ZNF346: variants seen among roughly 807,000 people sequenced by gnomAD.
ZNF346 encodes zinc finger protein 346.
ZNF346 carries 23 observed loss-of-function variants against 33.7 expected under a neutral mutation model. The ratio of observed to expected loss-of-function variants is 0.68; its 90% CI spans 0.49 to 0.97. The LOEUF (loss-of-function observed/expected upper bound fraction) is 0.97. ZNF346 is among the 50% of genes least tolerant of loss of function. ZNF346 has a pLI of 0.00. For missense variants in ZNF346, 340 were observed against 371.1 expected, an observed-to-expected ratio of 0.92 and a Z score of 0.69; for synonymous variants, 134 against 142.4, an observed-to-expected ratio of 0.94 and a Z score of 0.42.
chr5:177,031,998 C>CTTTT (rs34021834), intron 1 of ZNF346, among the ~76,000 whole-genome samples: 3 of 67,838 alleles, frequency 4.4e-5, no homozygotes, highest in Non-Finnish European at 5.9e-5. Flanking sequence ...TTTCTTTTTT[C>CTTTT]TTTTTTTTTT....
downstream of ZNF346, among the ~76,000 whole-genome samples, chr5:177,067,989 G>A (rs1279028189): frequency 3.9e-5 from 6 of 152,086 alleles, no homozygotes; most frequent in African/African-American, 1.4e-4. Flanking sequence ...GAAGGAACAA[G>A]GCTGAAAAAG....
chr5:177,054,858 T>C (rs1379522681), intron 5 of ZNF346, among the ~76,000 whole-genome samples: 1 of 152,106 alleles, frequency 6.6e-6, no homozygotes, highest in East Asian at 1.9e-4. Flanking sequence ...TCAAGTGAAC[T>C]TAACTAATTC....
Position 177,064,623 on chromosome 5 carries a change from T to C in ZNF346, c.*24T>C, listed in dbSNP as rs1444908624. On this transcript the variant is annotated 3_prime_UTR_variant, in exon 7 of 7. Coordinates refer to ENST00000358149, the MANE Select transcript of ZNF346 (RefSeq NM_012279.4). Reference sequence around the variant, plus strand: ...AGAGGTGATTCTGCCCAGCATCCCATATTGGGCCAGCCATGAGCCAGCTTC... The same window carrying C: ...AGAGGTGATTCTGCCCAGCATCCCACATTGGGCCAGCCATGAGCCAGCTTC... The C allele has an allele frequency of 6.3e-7, 1 of 1,595,232 alleles. No homozygotes were observed. Among genetic ancestry groups the C allele is most frequent in the East Asian group, 2.2e-5 (1 of 44,804 alleles).
intron 5 of ZNF346, among the ~76,000 whole-genome samples, chr5:177,054,559 C>T (rs540657656): frequency 8.6e-5 from 13 of 151,766 alleles, no homozygotes; most frequent in East Asian, 5.8e-4. Context: ...CCACCATGCC[C>T]GGCTAATTTT....
intron 5 of ZNF346, among the ~76,000 whole-genome samples, chr5:177,060,764 C>T (rs923724740): frequency 2.6e-5 from 4 of 151,904 alleles, no homozygotes; most frequent in Admixed American, 6.6e-5. Context: ...GCAGAGATCA[C>T]GCCATTGCAC....
intron 5 of ZNF346, among the ~76,000 whole-genome samples, chr5:177,055,267 C>G (rs1249179146): frequency 1.3e-5 from 2 of 151,998 alleles, no homozygotes; most frequent in East Asian, 3.9e-4. Flanking sequence ...CTACTGACCT[C>G]AGGTGATCCA....
At chr5:177,024,372 A>G (rs1403951549) in intron 1 of ZNF346, among the ~76,000 whole-genome samples, 1 of 151,502 alleles carries the variant, frequency 6.6e-6, no homozygotes, top group Non-Finnish European at 1.5e-5. Context: ...TGATTTTTGT[A>G]TTTTTAGTAG....
chr5:177,024,356 C>G (rs1246145286), intron 1 of ZNF346, among the ~76,000 whole-genome samples: 1 of 151,864 alleles, frequency 6.6e-6, no homozygotes, highest in Admixed American at 6.6e-5. Flanking sequence ...TGCCATGACG[C>G]TCAGCTGATT....
intron 1 of ZNF346, among the ~76,000 whole-genome samples, chr5:177,031,892 A>T (rs1223015065): frequency 6.6e-6 from 1 of 151,894 alleles, no homozygotes; most frequent in Non-Finnish European, 1.5e-5. Flanking sequence ...TCCTCCAGCA[A>T]ATTTATTGTA....
intron 4 of ZNF346, among the ~76,000 whole-genome samples, chr5:177,048,249 A>C (rs1780369148): frequency 6.6e-6 from 1 of 152,182 alleles, no homozygotes; most frequent in South Asian, 2.1e-4. Flanking sequence ...GCTTCTGTTC[A>C]GTATCTCAAA....
downstream of ZNF346, among the ~76,000 whole-genome samples, chr5:177,071,366 T>TA (rs909904213): frequency 0.011 from 1,398 of 129,782 alleles, 16 homozygotes; most frequent in African/African-American, 0.034. Context: ...GGGAGCCTCT[T>TA]AAAAAAAAAA....
At position 177,022,928 on chromosome 5, in the gene ZNF346, T is replaced by C. The variant is rs139907761; in HGVS notation, c.175+15T>C. 656 of 1,456,476 alleles carry C rather than the reference T, an allele frequency of 4.5e-4. 4 individuals carry two copies. In the African/African-American group the frequency reaches 7.9e-3, roughly 18 times the overall value. 90.2% of individuals were successfully genotyped at this position (1,456,476 alleles called of 1,614,324 possible). On this transcript the variant is annotated intron_variant, in intron 1 of 6. Coordinates refer to ENST00000358149, the MANE Select transcript of ZNF346 (RefSeq NM_012279.4). ...TAGAGAGGAAGGTGAGTCGGGGGCT[T>C]TGGAGGCAGAAAGCCCCTCGCCCGC...
chr5:177,035,554 G>A (rs1208260077), intron 1 of ZNF346, among the ~76,000 whole-genome samples: 1 of 151,502 alleles, frequency 6.6e-6, no homozygotes, highest in Non-Finnish European at 1.5e-5. Flanking sequence ...TCCGCCTCCC[G>A]GGTTCAAGCA....
chr5:177,063,236 A>G (rs933547052), intron 6 of ZNF346, among the ~76,000 whole-genome samples: 3 of 152,164 alleles, frequency 2.0e-5, no homozygotes, highest in Non-Finnish European at 4.4e-5. Flanking sequence ...AAGAATTCCC[A>G]TTTTACAGAC....
Position 177,044,496 on chromosome 5 carries a change from GAA to G in ZNF346, c.481_482del (p.Asn161LeufsTer9). The stretch of plus-strand genomic sequence containing the variant: ...ACTACCTGGGGAAGACCCACGCAAA[GAA>G]CTTAAAGCTGAAGCAGCAGTCCACT... ...SHYLGKTHAK[N>X]LKLKQQSTKV... On this transcript the variant is annotated frameshift_variant, in exon 4 of 7. Transcript: ENST00000358149. LOFTEE classifies it high-confidence loss of function. 6.2e-7 allele frequency: 1 copy of G among 1,613,994 alleles called. No individual in the cohort carries two copies. Among genetic ancestry groups the G allele is most frequent in the Non-Finnish European group, 8.5e-7 (1 of 1,180,016 alleles).
intron 1 of ZNF346, among the ~76,000 whole-genome samples, chr5:177,040,289 C>A (rs1374317822): frequency 6.6e-6 from 1 of 152,002 alleles, no homozygotes; most frequent in East Asian, 1.9e-4. Flanking sequence ...AATTTAAGCA[C>A]AGGTTAATAC....
chr5:177,025,164 C>T (rs1002800816), intron 1 of ZNF346, among the ~76,000 whole-genome samples: 20 of 152,214 alleles, frequency 1.3e-4, no homozygotes, highest in Non-Finnish European at 1.8e-4. Flanking sequence ...TGTTTTCTGT[C>T]TTGGGTAGTC....
At chr5:177,032,558 C>G (rs919699958) in intron 1 of ZNF346, among the ~76,000 whole-genome samples, 1 of 152,100 alleles carries the variant, frequency 6.6e-6, no homozygotes, top group African/African-American at 2.4e-5. Flanking sequence ...ATTACCAGCC[C>G]TCTACCACAC....
chr5:177,048,705 C>T (rs1780434813), intron 4 of ZNF346, among the ~76,000 whole-genome samples: 1 of 151,946 alleles, frequency 6.6e-6, no homozygotes, highest in African/African-American at 2.4e-5. Flanking sequence ...TCCATGCTGT[C>T]ACCTATGCGT....
Sources: gnomAD v4.1 joint callset for allele counts (sites outside exome capture counted in the v4.1 genomes callset) on GRCh38, gnomAD v4.1.1 for gene constraint, MANE v1.5 for transcripts, NCBI Gene and HGNC (gene_info 2026-07-23, HGNC 2026-07-21) for gene names.